Variants in PLCL2 observed in about 807,000 individuals in gnomAD.
PLCL2 encodes the protein phospholipase C like 2.
In PLCL2, 4 loss-of-function variants were observed where a neutral mutation model predicts 79.6. The observed-to-expected ratio is 0.05, with a 90% CI of 0.02 to 0.11. The LOEUF is 0.11. Among genes scored for constraint, PLCL2 ranks in the 10% least tolerant of loss-of-function variants. The probability of loss-of-function intolerance (pLI) is 1.00; values close to 1 mark genes in which losing one functional copy is unlikely to be tolerated. For synonymous variants in PLCL2, 484 were observed against 457.7 expected, an observed-to-expected ratio of 1.06 and a Z score of -0.73; for missense variants, 895 against 1,291.0, an observed-to-expected ratio of 0.69 and a Z score of 4.70.
chr3:17,059,998 C>T (rs923487915), intron 4 of PLCL2, among the ~76,000 whole-genome samples: 1 of 151,664 alleles, frequency 6.6e-6, no homozygotes, highest in East Asian at 1.9e-4. Flanking sequence ...CAAAAATGTT[C>T]TGGGTCTAAC....
chr3:16,981,724 C>A (rs1449202486), intron 1 of PLCL2, among the ~76,000 whole-genome samples: 3 of 152,212 alleles, frequency 2.0e-5, no homozygotes, highest in Admixed American at 6.5e-5. Flanking sequence ...TATACAAGAA[C>A]CATGTGATGA....
chr3:16,957,447 A>C (rs1048098434), intron 1 of PLCL2, among the ~76,000 whole-genome samples: 1 of 152,154 alleles, frequency 6.6e-6, no homozygotes, highest in African/African-American at 2.4e-5. Context: ...CTTTACTTCC[A>C]AGTATGTGGT....
intron 1 of PLCL2, among the ~76,000 whole-genome samples, chr3:17,000,048 A>G (rs2064192497): frequency 6.6e-6 from 1 of 152,160 alleles, no homozygotes; most frequent in Admixed American, 6.6e-5. Flanking sequence ...GAGTTTGCAG[A>G]TCCCTTTGAG....
intron 1 of PLCL2, among the ~76,000 whole-genome samples, chr3:16,967,995 C>T (rs1575559724): frequency 6.6e-6 from 1 of 152,086 alleles, no homozygotes; most frequent in South Asian, 2.1e-4. Flanking sequence ...AGCCAGTTAT[C>T]CCAGAACCAC....
chr3:16,938,913 G>T (rs1697609492), intron 1 of PLCL2, among the ~76,000 whole-genome samples: 2 of 152,170 alleles, frequency 1.3e-5, no homozygotes, highest in Admixed American at 1.3e-4. Flanking sequence ...TTATATAAGT[G>T]TTTGAGGGAG....
At chr3:17,052,033 G>A (rs550000042) in intron 4 of PLCL2, among the ~76,000 whole-genome samples, 8 of 152,150 alleles carry the variant, frequency 5.3e-5, no homozygotes, top group African/African-American at 1.9e-4. Flanking sequence ...TAATGCTGTG[G>A]AAGAGAACCC....
At position 16,963,719 on chromosome 3, in the gene PLCL2, A is replaced by G. The variant is rs541911509; in HGVS notation, c.328-45955A>G. 2.0e-5 allele frequency among the ~76,000 whole-genome samples: 3 copies of G among 152,282 alleles called. No individual in the cohort carries two copies. In the South Asian group the frequency reaches 6.2e-4, roughly 32 times the overall value. On this transcript the variant is annotated intron_variant, in intron 1 of 5. Transcript: ENST00000615277. Reference sequence around the variant, plus strand: ...AGAATATCATCTCTCAGAATAACCTATGACCATACTTGAATTATTATCACC... The same window carrying G: ...AGAATATCATCTCTCAGAATAACCTGTGACCATACTTGAATTATTATCACC...
At chr3:17,063,783 C>G (rs1004140552) in intron 4 of PLCL2, among the ~76,000 whole-genome samples, 1 of 152,224 alleles carries the variant, frequency 6.6e-6, no homozygotes, top group African/African-American at 2.4e-5. Context: ...ACCCACAGCT[C>G]TTCCCAACAC....
intron 5 of PLCL2, among the ~76,000 whole-genome samples, chr3:17,069,744 G>A (rs1016875559): frequency 3.3e-5 from 5 of 152,022 alleles, no homozygotes; most frequent in Non-Finnish European, 7.4e-5. Flanking sequence ...AAAGCTAGTC[G>A]CCATTTGCAT....
At chr3:16,982,276 T>C (rs1409120970) in intron 1 of PLCL2, among the ~76,000 whole-genome samples, 2 of 152,216 alleles carry the variant, frequency 1.3e-5, no homozygotes, top group Non-Finnish European at 2.9e-5. Context: ...CTCTGCCCTC[T>C]TTTTCATCGT....
intron 3 of PLCL2, among the ~76,000 whole-genome samples, chr3:17,020,641 T>C (rs2064440284): frequency 6.6e-6 from 1 of 152,160 alleles, no homozygotes; most frequent in African/African-American, 2.4e-5. Flanking sequence ...ATTTCCCCAG[T>C]AGAAAATAGT....
rs113502628 is a variant in PLCL2 at position 16,985,413 on chromosome 3, T to C, written c.328-24261T>C. On this transcript the variant is annotated intron_variant, in intron 1 of 5. Transcript: ENST00000615277. ...AATAGAAAACATAAAATAGGCTGTC[T>C]TATCTCTGAAGTTAACAGTATACTT... Among the ~76,000 whole-genome samples the C allele has an allele frequency of 8.1e-4, 123 of 152,320 alleles. 1 individual carries two copies. The highest frequency in any genetic ancestry group is 2.8e-3 in the African/African-American group (115 of 41,544).
At chr3:17,025,549 C>A (rs886079628) in intron 3 of PLCL2, among the ~76,000 whole-genome samples, 1 of 152,118 alleles carries the variant, frequency 6.6e-6, no homozygotes, top group African/African-American at 2.4e-5. Flanking sequence ...TAAAATGAAG[C>A]TATTGAAATA....
At chr3:16,998,331 T>A (rs1043558561) in intron 1 of PLCL2, among the ~76,000 whole-genome samples, 3 of 152,224 alleles carry the variant, frequency 2.0e-5, no homozygotes, top group African/African-American at 7.2e-5. Context: ...GCATACCTTT[T>A]AAAATTCAAT....
intron 1 of PLCL2, among the ~76,000 whole-genome samples, chr3:16,904,306 C>CAAAAA (rs547582289): frequency 8.6e-6 from 1 of 116,132 alleles, no homozygotes. Context: ...GAGATCTTGA[C>CAAAAA]AAAAAAAAAA....
intron 1 of PLCL2, among the ~76,000 whole-genome samples, chr3:16,889,344 G>A (rs1696295070): frequency 6.6e-6 from 1 of 152,176 alleles, no homozygotes; most frequent in Admixed American, 6.5e-5. Flanking sequence ...GGTTAAGGCA[G>A]CATCAGTGGT....
intron 3 of PLCL2, among the ~76,000 whole-genome samples, chr3:17,039,041 A>G (rs1432504047): frequency 1.3e-5 from 2 of 152,202 alleles, no homozygotes; most frequent in Non-Finnish European, 2.9e-5. Context: ...ATAATTACTC[A>G]CCTCACATGG....
chr3:16,950,887 T>C (rs1483852865), intron 1 of PLCL2, among the ~76,000 whole-genome samples: 1 of 152,166 alleles, frequency 6.6e-6, no homozygotes, highest in Non-Finnish European at 1.5e-5. Flanking sequence ...GTTCTAGATA[T>C]ATTGATTAGC....
At chr3:16,981,283 G>T (rs1440249222) in intron 1 of PLCL2, among the ~76,000 whole-genome samples, 1 of 152,122 alleles carries the variant, frequency 6.6e-6, no homozygotes, top group Non-Finnish European at 1.5e-5. Flanking sequence ...TTTCCCCCAG[G>T]TTACTTTCCA....
Sources: gnomAD v4.1 joint callset for allele counts (sites outside exome capture counted in the v4.1 genomes callset) on GRCh38, gnomAD v4.1.1 for gene constraint, MANE v1.5 for transcripts, NCBI Gene and HGNC (gene_info 2026-07-23, HGNC 2026-07-21) for gene names.